Variants in XKR4 observed in about 807,000 individuals in gnomAD.
The protein encoded by XKR4 is XK-related protein 4.
In XKR4, 12 loss-of-function variants were observed where a neutral mutation model predicts 53.9. The ratio of observed to expected loss-of-function variants is 0.22; its 90% CI spans 0.14 to 0.36. The LOEUF is 0.36. XKR4 is among the 10% of genes least tolerant of loss of function. The probability of loss-of-function intolerance (pLI) is 1.00; values close to 1 mark genes in which losing one functional copy is unlikely to be tolerated. For synonymous variants in XKR4, 354 were observed against 362.4 expected (o/e 0.98, Z 0.26); for missense variants, 799 against 859.5 (o/e 0.93, Z 0.88).
chr8:55,242,645 C>T (rs1818226269), intron 1 of XKR4, among the ~76,000 whole-genome samples: 1 of 152,178 alleles, frequency 6.6e-6, no homozygotes, highest in African/African-American at 2.4e-5. Flanking sequence ...AAAATAAGCA[C>T]TCAGAAGGTT....
At position 55,301,834 on chromosome 8, in the gene XKR4, G is replaced by A. The variant is rs533809570; in HGVS notation, c.807-55844G>A. Among the ~76,000 whole-genome samples, 3 of 152,284 alleles carry A rather than the reference G, an allele frequency of 2.0e-5. No individual in the cohort carries two copies. In the South Asian group the frequency reaches 6.2e-4, roughly 32 times the overall value. The stretch of plus-strand genomic sequence containing the variant: ...TGTTCATATCCTTTGCCCACTTTTT[G>A]ATGGGGTTGTTTGTTTTTTTCTTGT... On this transcript the variant is annotated intron_variant, in intron 1 of 2. Coordinates refer to ENST00000327381, the MANE Select transcript of XKR4 (RefSeq NM_052898.2).
At chr8:55,326,952 C>T (rs1266776742) in intron 1 of XKR4, among the ~76,000 whole-genome samples, 1 of 151,920 alleles carries the variant, frequency 6.6e-6, no homozygotes, top group Non-Finnish European at 1.5e-5. Flanking sequence ...TTTTGAGGGA[C>T]AATGAGGAAA....
intron 1 of XKR4, among the ~76,000 whole-genome samples, chr8:55,282,791 T>C (rs1469351089): frequency 2.0e-5 from 3 of 152,192 alleles, no homozygotes; most frequent in Admixed American, 2.0e-4. Context: ...CAAAACTGTA[T>C]AGTAATGGCC....
chr8:55,300,449 C>A (rs1056462002), intron 1 of XKR4, among the ~76,000 whole-genome samples: 3 of 152,036 alleles, frequency 2.0e-5, no homozygotes, highest in Non-Finnish European at 4.4e-5. Flanking sequence ...CAGACAGGAG[C>A]TGAGGTGGAG....
At chr8:55,128,696 A>G (rs1267752252) in intron 1 of XKR4, among the ~76,000 whole-genome samples, 1 of 152,212 alleles carries the variant, frequency 6.6e-6, no homozygotes, top group African/African-American at 2.4e-5. Context: ...CAAACGTACC[A>G]TGATTGCTGA....
intron 1 of XKR4, among the ~76,000 whole-genome samples, chr8:55,225,083 T>G (rs565975439): frequency 6.6e-6 from 1 of 152,362 alleles, no homozygotes; most frequent in Non-Finnish European, 1.5e-5. Flanking sequence ...ACATTCCCTG[T>G]GCTTTCCTTA....
intron 2 of XKR4, among the ~76,000 whole-genome samples, chr8:55,377,171 T>C (rs1370868735): frequency 6.6e-6 from 1 of 152,190 alleles, no homozygotes; most frequent in Non-Finnish European, 1.5e-5. Context: ...CAATGGAAAC[T>C]TGAGTCAAAA....
At chr8:55,337,292 G>A (rs867970281) in intron 1 of XKR4, among the ~76,000 whole-genome samples, 1 of 152,202 alleles carries the variant, frequency 6.6e-6, no homozygotes, top group Admixed American at 6.5e-5. Flanking sequence ...GACCCTTGAA[G>A]AGAGTGCCCC....
chr8:55,384,830 CTCTT>C (rs1257710024), intron 2 of XKR4, among the ~76,000 whole-genome samples: 1 of 152,232 alleles, frequency 6.6e-6, no homozygotes, highest in Middle Eastern at 3.2e-3. Flanking sequence ...ATCATTCTGA[CTCTT>C]TAGCAAATAC....
intron 1 of XKR4, among the ~76,000 whole-genome samples, chr8:55,265,691 A>G (rs1483022754): frequency 6.6e-6 from 1 of 151,756 alleles, no homozygotes. Flanking sequence ...TCTCTATAAA[A>G]ATTCCTGGCT....
At chr8:55,128,538 A>G (rs1368343277) in intron 1 of XKR4, among the ~76,000 whole-genome samples, 1 of 152,240 alleles carries the variant, frequency 6.6e-6, no homozygotes, top group Admixed American at 6.5e-5. Context: ...CTTTGAGGCA[A>G]GCCTTCAAAG....
chr8:55,422,343 T>A (rs2622536), intron 2 of XKR4, among the ~76,000 whole-genome samples: 92,160 of 152,120 alleles, frequency 0.61, 30,355 homozygotes, highest in African/African-American at 0.88. Flanking sequence ...ATGCAATACA[T>A]ACAGTAGACA....
At chr8:55,369,945 A>G (rs1412744591) in intron 2 of XKR4, among the ~76,000 whole-genome samples, 1 of 152,138 alleles carries the variant, frequency 6.6e-6, no homozygotes, top group African/African-American at 2.4e-5. Context: ...CTGCAGTCCC[A>G]GCTACTCAGG....
intron 1 of XKR4, among the ~76,000 whole-genome samples, chr8:55,240,339 A>G (rs1329234082): frequency 6.6e-6 from 1 of 152,258 alleles, no homozygotes; most frequent in African/African-American, 2.4e-5. Context: ...CAAGTACTAA[A>G]CAACCTATAT....
At position 55,222,069 on chromosome 8, in the gene XKR4, C is replaced by T. The variant is rs138653088; in HGVS notation, c.806+118775C>T. ...AGAGTGCCCCCTGCCCACTTAGTAA[C>T]CCTGAGATGTGGGTGCATCCTCTTC... On this transcript the variant is annotated intron_variant, in intron 1 of 2. Transcript: ENST00000327381. Among the ~76,000 whole-genome samples, 9 of 152,326 alleles carry T rather than the reference C, an allele frequency of 5.9e-5. No individual in the cohort carries two copies. In the East Asian group the frequency reaches 1.7e-3, roughly 29 times the overall value.
intron 1 of XKR4, among the ~76,000 whole-genome samples, chr8:55,211,683 C>T (rs775894069): frequency 2.0e-4 from 30 of 152,080 alleles, no homozygotes; most frequent in African/African-American, 6.0e-4. Context: ...TTTAGAGTTA[C>T]GTTTAAAGTA....
intron 2 of XKR4, among the ~76,000 whole-genome samples, chr8:55,507,368 T>C (rs61244898): frequency 0.058 from 8,897 of 152,230 alleles, 668 homozygotes; most frequent in East Asian, 0.28. Flanking sequence ...TTTTTTATTA[T>C]ACTTTAAGTT....
intron 1 of XKR4, among the ~76,000 whole-genome samples, chr8:55,353,315 T>C (rs1585534709): frequency 6.6e-6 from 1 of 152,134 alleles, no homozygotes; most frequent in Non-Finnish European, 1.5e-5. Context: ...AGTATGACTG[T>C]GTAGTTATAT....
At chr8:55,522,351 C>G (rs561248560) in intron 2 of XKR4, among the ~76,000 whole-genome samples, 1 of 152,098 alleles carries the variant, frequency 6.6e-6, no homozygotes, top group Non-Finnish European at 1.5e-5. Flanking sequence ...AGACAGGGAA[C>G]GGACATGTCT....
Sources: gnomAD v4.1 joint callset for allele counts (sites outside exome capture counted in the v4.1 genomes callset) on GRCh38, gnomAD v4.1.1 for gene constraint, MANE v1.5 for transcripts, NCBI Gene and HGNC (gene_info 2026-07-23, HGNC 2026-07-21) for gene names.